The following PHF6 variants were observed in gnomAD, a reference collection of about 807,000 sequenced individuals.
PHF6 encodes PHD finger protein 6, also known as PHD-like zinc finger protein.
Under a neutral mutation model 34.0 loss-of-function variants are expected in PHF6, and 7 were observed. The observed-to-expected ratio is 0.21, with a 90% CI of 0.12 to 0.39. The LOEUF (loss-of-function observed/expected upper bound fraction) is 0.39, where lower values mean the gene tolerates loss of function less well. Among genes scored for constraint, PHF6 ranks in the 10% least tolerant of loss-of-function variants. The pLI, the probability that PHF6 is intolerant of heterozygous loss-of-function variation, is 1.00. For synonymous variants in PHF6, 89 were observed against 88.4 expected, an observed-to-expected ratio of 1.01 and a Z score of -0.04; for missense variants, 128 against 262.8, an observed-to-expected ratio of 0.49 and a Z score of 3.55.
At chrX:134,404,033 T>C (rs1362053121) in intron 5 of PHF6, among the ~76,000 whole-genome samples, 1 of 112,246 alleles carries the variant, frequency 8.9e-6, no homozygotes, top group Non-Finnish European at 1.9e-5. Flanking sequence ...CCGCAGTTCT[T>C]AGAGCCCGTG....
intron 8 of PHF6, among the ~76,000 whole-genome samples, chrX:134,415,943 A>T (rs1017887108): frequency 9.1e-6 from 1 of 110,288 alleles, no homozygotes; most frequent in Non-Finnish European, 1.9e-5. Context: ...ATACCTTACA[A>T]TTTTTTTGTT....
At chrX:134,390,518 A>T (rs2077348788) in intron 3 of PHF6, among the ~76,000 whole-genome samples, 1 of 112,509 alleles carries the variant, frequency 8.9e-6, no homozygotes, top group African/African-American at 3.2e-5. Context: ...CTTTGGGCAG[A>T]TTTAAATTTA....
chrX:134,412,878 A>G (rs759135914), intron 5 of PHF6, among the ~76,000 whole-genome samples: 1 of 111,915 alleles, frequency 8.9e-6, no homozygotes, highest in South Asian at 3.7e-4. Flanking sequence ...CATTAGTTCA[A>G]TTGTAAATGA....
Position 134,377,716 on chromosome X carries a change from A to G in PHF6, c.99A>G (p.Ile33Met). The G allele has an allele frequency of 1.7e-6, 2 of 1,210,308 alleles. No individual in the cohort carries two copies. Among genetic ancestry groups the G allele is most frequent in the Non-Finnish European group, 1.1e-6 (1 of 894,566 alleles). Reference sequence around the variant, plus strand: ...ACAAGGAATGTGGACAGTTACTAATATCTGAAAACCAGAAGGTGGCAGCGC... The same window carrying G: ...ACAAGGAATGTGGACAGTTACTAATGTCTGAAAACCAGAAGGTGGCAGCGC... The part of the protein sequence containing the change: ...NRDKECGQLL[I>M]SENQKVAAHH... The change falls in exon 2 of 11, where the codon ATA (isoleucine) becomes ATG (methionine). Residue 33 changes from isoleucine (I) to methionine (M), a missense_variant. By Grantham distance (10) the Ile-to-Met change is conservative. Around this residue, in one of 3 missense-constraint regions of PHF6, gnomAD observed 97 missense variants for 152.9 expected, o/e 0.63. Coordinates refer to ENST00000370803, the MANE Select transcript of PHF6 (RefSeq NM_001015877.2).
chrX:134,413,800 C>T (rs1051887544), intron 6 of PHF6, 23 bp from the exon 7 acceptor site: 33 of 1,207,685 alleles, frequency 2.7e-5, no homozygotes, highest in South Asian at 7.0e-5. Context: ...TTTTTAAGTT[C>T]GTTTTTTCTT....
At position 134,395,820 on chromosome X, in the gene PHF6, A is replaced by G. The variant is rs2077374913; in HGVS notation, c.418+1868A>G. 4.5e-5 allele frequency among the ~76,000 whole-genome samples: 5 copies of G among 112,136 alleles called. No homozygotes were observed. In the South Asian group the frequency reaches 1.8e-3, roughly 41 times the overall value. On this transcript the variant is annotated intron_variant, in intron 5 of 10. Transcript: ENST00000370803. ...GTTGGTTAAAAATACAGTCGTTAGC[A>G]AAATCTAGTCTTTAAGGTAAACATG...
At chrX:134,384,634 C>CTTCTTTCT (rs202210165) in intron 3 of PHF6, among the ~76,000 whole-genome samples, 6 of 105,849 alleles carry the variant, frequency 5.7e-5, no homozygotes, top group African/African-American at 2.1e-4. Flanking sequence ...TCTGCCTTTT[C>CTTCTTTCT]TTCTTTCTTT....
chrX:134,414,034 T>C lies in PHF6; in HGVS notation c.729+68T>C. The C allele has an allele frequency of 2.7e-6, 3 of 1,108,494 alleles. No homozygotes were observed. The African/African-American group carries it at 5.4e-5, about 20-fold the overall frequency. The allele number at this position is 1,108,494 out of a possible 1,213,427, so 91.4% of individuals were successfully genotyped here. A position where few individuals can be genotyped will look rare whatever the true frequency, so the allele number is the denominator to read the frequency against. ...TTGTTTTTCTTTGTTTCCCCTGTGA[T>C]CTAAAGCCCAAATGATTTTTTTTTT... On this transcript the variant is annotated intron_variant, in intron 7 of 10. Transcript: ENST00000370803.
intron 3 of PHF6, among the ~76,000 whole-genome samples, chrX:134,392,322 G>C (rs917659059): frequency 8.9e-6 from 1 of 112,015 alleles, no homozygotes; most frequent in Non-Finnish European, 1.9e-5. Context: ...TTTAGATTTA[G>C]CTTGTTGTGA....
At chrX:134,410,287 G>A (rs1232437005) in intron 5 of PHF6, among the ~76,000 whole-genome samples, 1 of 111,690 alleles carries the variant, frequency 9.0e-6, no homozygotes, top group East Asian at 2.8e-4. Context: ...TTTCTCCACA[G>A]CCTCACTAGC....
In PHF6 at chrX:134,422,269, A is replaced by G. The variant is rs546676376; in HGVS notation, c.969-2932A>G. ...TAATATTCCATCATATAGGTATATC[A>G]GTTTATTCTATTGGTTCCTTTTTCA... On this transcript the variant is annotated intron_variant, in intron 9 of 10. Transcript: ENST00000370803. 1.2e-4 allele frequency among the ~76,000 whole-genome samples: 13 copies of G among 112,282 alleles called. No homozygotes were observed. The Middle Eastern group carries it at 0.014, about 119-fold the overall frequency.
rs148759550 is a variant in PHF6, at chrX:134,415,727, A to G, written c.834+607A>G. On this transcript the variant is annotated intron_variant, in intron 8 of 10. Transcript: ENST00000370803. ...TGGGAAAATTTTCAAACATACCGCAATTGGAAAGCCTAGTAACATGTATCT... is the reference window on the plus strand; with the variant it reads ...TGGGAAAATTTTCAAACATACCGCAGTTGGAAAGCCTAGTAACATGTATCT... 1.2e-4 allele frequency among the ~76,000 whole-genome samples: 13 copies of G among 111,237 alleles called. 1 individual carries two copies. The East Asian group carries it at 3.7e-3, about 31-fold the overall frequency.
intron 3 of PHF6, among the ~76,000 whole-genome samples, chrX:134,389,027 G>T (rs2077342819): frequency 9.0e-6 from 1 of 111,538 alleles, no homozygotes; most frequent in Non-Finnish European, 1.9e-5. Context: ...GCAAATATCT[G>T]TAATAAGACA....
intron 5 of PHF6, among the ~76,000 whole-genome samples, chrX:134,404,273 G>A (rs750591318): frequency 8.9e-6 from 1 of 111,936 alleles, no homozygotes; most frequent in Non-Finnish European, 1.9e-5. Context: ...CAACCCTCAC[G>A]GATTACTTTG....
intron 3 of PHF6, among the ~76,000 whole-genome samples, chrX:134,384,367 G>A (rs1602694625): frequency 9.0e-6 from 1 of 111,405 alleles, no homozygotes; most frequent in Non-Finnish European, 1.9e-5. Context: ...GATGGGGAAG[G>A]GTAAAAGCAG....
chrX:134,387,298 A>T (rs371241886), intron 3 of PHF6, among the ~76,000 whole-genome samples: 1 of 111,545 alleles, frequency 9.0e-6, no homozygotes, highest in East Asian at 2.8e-4. Flanking sequence ...CCTCCATTTA[A>T]TACTTTTTGG....
In PHF6 at chrX:134,378,123, G is replaced by A. The variant is rs929976637; in HGVS notation, c.240+17G>A. 6.6e-6 allele frequency: 7 copies of A among 1,068,081 alleles called. No homozygotes were observed. The highest frequency in any genetic ancestry group is 9.1e-6 in the Non-Finnish European group (7 of 769,875). 88.0% of individuals were successfully genotyped at this position (1,068,081 alleles called of 1,213,427 possible). A position where few individuals can be genotyped will look rare whatever the true frequency, so the allele number is the denominator to read the frequency against. ...ACGAAGCTGGTAAGTTGGTATTTCT[G>A]CCTCTTGAGAATAAAAATTATTTAA... is the stretch of plus-strand genomic sequence containing the variant. On this transcript the variant is annotated intron_variant, in intron 3 of 10. Transcript: ENST00000370803.
intron 5 of PHF6, among the ~76,000 whole-genome samples, chrX:134,399,428 A>G (rs2077392066): frequency 9.0e-6 from 1 of 111,443 alleles, no homozygotes; most frequent in Non-Finnish European, 1.9e-5. Flanking sequence ...TTGTTCATCC[A>G]TTGTAACAAA....
At chrX:134,396,876 G>A (rs1396498654) in intron 5 of PHF6, among the ~76,000 whole-genome samples, 7 of 95,634 alleles carry the variant, frequency 7.3e-5, no homozygotes, top group Non-Finnish European at 1.0e-4. Context: ...TTTAAGAATT[G>A]TACTGCACTA....
Sources: allele counts gnomAD v4.1 joint callset (sites outside exome capture counted in the v4.1 genomes callset), GRCh38; gene constraint gnomAD v4.1.1; regional missense constraint gnomAD v4.1.1; transcripts MANE v1.5; gene names NCBI Gene and HGNC (gene_info 2026-07-23, HGNC 2026-07-21).